The following CHN2 variants were observed in gnomAD, a reference collection of about 807,000 sequenced individuals.
The protein encoded by CHN2 is chimerin 2.
Under a neutral mutation model 56.3 loss-of-function variants are expected in CHN2, and 35 were observed. The ratio of observed to expected loss-of-function variants is 0.62; its 90% CI spans 0.47 to 0.82. CHN2 has a LOEUF of 0.82. Among genes scored for constraint, CHN2 ranks in the 40% least tolerant of loss-of-function variants. The pLI, the probability that CHN2 is intolerant of heterozygous loss-of-function variation, is 0.00. For synonymous variants in CHN2, 210 were observed against 212.8 expected (o/e 0.99, Z 0.12); for missense variants, 491 against 580.5 (o/e 0.85, Z 1.58).
chr7:29,378,248 A>G (rs1047855629), intron 3 of CHN2, among the ~76,000 whole-genome samples: 1 of 152,240 alleles, frequency 6.6e-6, no homozygotes, highest in African/African-American at 2.4e-5. Context: ...TGGCATCAGT[A>G]TGCCGTAGCT....
At chr7:29,394,738 T>C (rs562746461) in intron 4 of CHN2, among the ~76,000 whole-genome samples, 1 of 152,344 alleles carries the variant, frequency 6.6e-6, no homozygotes, top group Admixed American at 6.5e-5. Context: ...TCCTTGAAGA[T>C]AGCACAATTA....
At chr7:29,355,673 G>A (rs910220003) in intron 2 of CHN2, among the ~76,000 whole-genome samples, 1 of 151,232 alleles carries the variant, frequency 6.6e-6, no homozygotes, top group Non-Finnish European at 1.5e-5. Context: ...TAACGAAGCT[G>A]CCAGGGTTAC....
At chr7:29,342,479 G>T (rs1416629983) in intron 1 of CHN2, among the ~76,000 whole-genome samples, 1 of 152,086 alleles carries the variant, frequency 6.6e-6, no homozygotes, top group Non-Finnish European at 1.5e-5. Context: ...ATGATCTATG[G>T]GTTGCTTTAA....
chr7:29,368,507 G>A (rs1346502806), intron 3 of CHN2, among the ~76,000 whole-genome samples: 1 of 152,148 alleles, frequency 6.6e-6, no homozygotes, highest in East Asian at 1.9e-4. Context: ...TGGGATGCCA[G>A]CAAGATTTGA....
intron 1 of CHN2, among the ~76,000 whole-genome samples, chr7:29,327,322 A>G (rs768461159): frequency 3.3e-5 from 5 of 152,150 alleles, no homozygotes; most frequent in Admixed American, 6.5e-5. Context: ...GAAAAGTTGG[A>G]GATAAGGCTC....
chr7:29,363,886 A>G (rs1798931802), intron 2 of CHN2, among the ~76,000 whole-genome samples: 1 of 152,142 alleles, frequency 6.6e-6, no homozygotes, highest in African/African-American at 2.4e-5. Context: ...GATATAAACC[A>G]GGGAAGCAGG....
chr7:29,421,305 G>T (rs578008558), intron 6 of CHN2, among the ~76,000 whole-genome samples: 1 of 152,140 alleles, frequency 6.6e-6, no homozygotes, highest in Non-Finnish European at 1.5e-5. Context: ...CTACCCAAGG[G>T]CAGACTCCCC....
intron 2 of CHN2, among the ~76,000 whole-genome samples, chr7:29,166,193 GT>G (rs563442024): frequency 1.3e-5 from 2 of 151,302 alleles, no homozygotes; most frequent in African/African-American, 4.9e-5. Context: ...ACCACATCCA[GT>G]TTTTTTTTGT....
At chr7:29,262,195 ACTTT>A (rs1789608933) in intron 1 of CHN2, among the ~76,000 whole-genome samples, 1 of 152,058 alleles carries the variant, frequency 6.6e-6, no homozygotes, top group African/African-American at 2.4e-5. Context: ...CAAAAAAACA[ACTTT>A]CTATCTAACT....
At chr7:29,353,148 A>C (rs1382517392) in intron 1 of CHN2, among the ~76,000 whole-genome samples, 1 of 152,228 alleles carries the variant, frequency 6.6e-6, no homozygotes, top group Non-Finnish European at 1.5e-5. Context: ...TGTTTGTGTG[A>C]AATGAGCATG....
At chr7:29,456,743 CTT>C (rs1285126690) in intron 6 of CHN2, among the ~76,000 whole-genome samples, 2 of 152,014 alleles carry the variant, frequency 1.3e-5, no homozygotes, top group Non-Finnish European at 2.9e-5. Flanking sequence ...TCTGAGGACA[CTT>C]TTGAGAAGCA....
At chr7:29,368,877 A>T (rs1285518633) in intron 3 of CHN2, among the ~76,000 whole-genome samples, 1 of 152,168 alleles carries the variant, frequency 6.6e-6, no homozygotes. Context: ...TTATCAAGTC[A>T]TCTCAATTTT....
chr7:29,354,448 A>G (rs1289412151), intron 1 of CHN2, among the ~76,000 whole-genome samples, 177 bp from the exon 2 acceptor site: 1 of 152,116 alleles, frequency 6.6e-6, no homozygotes, highest in Non-Finnish European at 1.5e-5. Flanking sequence ...TGAGTCCACA[A>G]GGTTTCCATG....
chr7:29,473,172 G>C lies in CHN2; in HGVS notation c.577-7107G>C, dbSNP rs546967202. Among the ~76,000 whole-genome samples the C allele has an allele frequency of 8.5e-5, 13 of 152,354 alleles. No homozygotes were observed. In the East Asian group the frequency reaches 2.5e-3, roughly 29 times the overall value. On this transcript the variant is annotated intron_variant, in intron 6 of 12. Transcript: ENST00000222792. Reference sequence around the variant, plus strand: ...CGTCTTTGGAGGTTTTAAGTGGCATGATGGGAGGTGGGTGTGGGGTGAGCA... The same window carrying C: ...CGTCTTTGGAGGTTTTAAGTGGCATCATGGGAGGTGGGTGTGGGGTGAGCA...
chr7:29,407,723 G>C (rs1320713763), intron 6 of CHN2, among the ~76,000 whole-genome samples: 1 of 152,214 alleles, frequency 6.6e-6, no homozygotes, highest in Non-Finnish European at 1.5e-5. Context: ...AGTGAGAATG[G>C]ATTTAACTTA....
intron 1 of CHN2, among the ~76,000 whole-genome samples, chr7:29,195,629 A>AGAGAGAGAGAGTGTGTGTGTGT (rs869037854): frequency 8.5e-6 from 1 of 117,504 alleles, no homozygotes; most frequent in Admixed American, 9.4e-5. Flanking sequence ...AGAGAGAGAG[A>AGAGAGAGAGAGTGTGTGTGTGT]GTGTGTGTGT....
rs1046014494 is a variant in CHN2 at position 29,277,342 on chromosome 7, G to A, written c.50-77283G>A. On this transcript the variant is annotated intron_variant, in intron 1 of 12. Transcript: ENST00000222792. The stretch of plus-strand genomic sequence containing the variant: ...TATAGCCAACCAGAGTCCACCGTGT[G>A]TTACCTGACTACAAGTTTGGCAGGC... 4.6e-5 allele frequency among the ~76,000 whole-genome samples: 7 copies of A among 152,346 alleles called. No individual in the cohort carries two copies. In the South Asian group the frequency reaches 8.3e-4, roughly 18 times the overall value.
intron 1 of CHN2, among the ~76,000 whole-genome samples, chr7:29,284,842 CA>C (rs1792022073): frequency 6.6e-6 from 1 of 152,168 alleles, no homozygotes; most frequent in African/African-American, 2.4e-5. Flanking sequence ...GATGAATGCA[CA>C]AGGATCTGAA....
At chr7:29,173,586 G>A (rs909038949) in intron 2 of CHN2, among the ~76,000 whole-genome samples, 26 of 152,088 alleles carry the variant, frequency 1.7e-4, no homozygotes, top group African/African-American at 5.6e-4. Flanking sequence ...TCTCTAATGA[G>A]AGGCAGGATA....
Sources: allele counts gnomAD v4.1 joint callset (sites outside exome capture counted in the v4.1 genomes callset), GRCh38; gene constraint gnomAD v4.1.1; transcripts MANE v1.5; gene names NCBI Gene and HGNC (gene_info 2026-07-23, HGNC 2026-07-21).